Variants in GAPVD1 observed in about 807,000 individuals in gnomAD.
The protein encoded by GAPVD1 is GTPase-activating protein and VPS9 domain-containing protein 1.
GAPVD1 carries 35 observed loss-of-function variants against 155.5 expected under a neutral mutation model. That is an observed-to-expected ratio of 0.23 (90% CI 0.17 to 0.30). The LOEUF (loss-of-function observed/expected upper bound fraction) is 0.30. Among genes scored for constraint, GAPVD1 ranks in the 10% least tolerant of loss-of-function variants. The probability of loss-of-function intolerance (pLI) is 1.00; values close to 1 mark genes in which losing one functional copy is unlikely to be tolerated. For synonymous variants in GAPVD1, 636 were observed against 619.7 expected (o/e 1.03, Z -0.39); for missense variants, 1,429 against 1,775.7 (o/e 0.80, Z 3.51).
rs142687326 is a variant in GAPVD1 at position 125,286,900 on chromosome 9, G to A, written c.-149-8558G>A. Among the ~76,000 whole-genome samples, 810 of 151,716 alleles carry A rather than the reference G, an allele frequency of 5.3e-3. 10 individuals are homozygous for A. The highest frequency in any genetic ancestry group is 0.018 in the African/African-American group (756 of 41,376). On this transcript the variant is annotated intron_variant, in intron 2 of 27. Coordinates refer to ENST00000297933, the MANE Select transcript of GAPVD1 (RefSeq NM_001282680.3). ...TGAGTTTGAGACCAGCCTGGCCAAC[G>A]TGGCAAAACCCCGTCTCTACTAAAA...
chr9:125,336,245 G>A (rs187016902), intron 15 of GAPVD1, among the ~76,000 whole-genome samples: 1 of 145,584 alleles, frequency 6.9e-6, no homozygotes, highest in East Asian at 2.0e-4. Flanking sequence ...AAATCAAAAG[G>A]CATAATAGTA....
Position 125,349,804 on chromosome 9 carries a change from G to T in GAPVD1, c.3299+285G>T, listed in dbSNP as rs117781783. 6.9e-4 allele frequency among the ~76,000 whole-genome samples: 105 copies of T among 151,480 alleles called. No homozygotes were observed. In the East Asian group the frequency reaches 0.019, roughly 27 times the overall value. On this transcript the variant is annotated intron_variant, in intron 21 of 27. Transcript: ENST00000297933. ...GCTGGAGCCCAGGAGTTGGAGACCAGCTTGGGCAACATAGCAAAATCCCAT... is the reference window on the plus strand; with the variant it reads ...GCTGGAGCCCAGGAGTTGGAGACCATCTTGGGCAACATAGCAAAATCCCAT...
intron 2 of GAPVD1, among the ~76,000 whole-genome samples, chr9:125,289,778 A>G (rs1008267520): frequency 6.6e-6 from 1 of 152,202 alleles, no homozygotes; most frequent in African/African-American, 2.4e-5. Context: ...AACTGTTATC[A>G]CTTTGATGGT....
At position 125,295,504 on chromosome 9, in the gene GAPVD1, C is replaced by T. The variant is rs1250982544; in HGVS notation, c.-103C>T. The T allele has an allele frequency of 6.8e-6, 1 of 147,350 alleles. No homozygotes were observed. The highest frequency in any genetic ancestry group is 1.5e-5 in the Non-Finnish European group (1 of 67,598). 9.1% of individuals were successfully genotyped at this position (147,350 alleles called of 1,614,324 possible). On this transcript the variant is annotated 5_prime_UTR_variant, in exon 3 of 28. Transcript: ENST00000297933. The stretch of plus-strand genomic sequence containing the variant: ...CTGGAGTGCAGTGACACGATCTCAG[C>T]TCACTGTAACCTCCGCCTCCCGGGT...
rs1362363417 is a variant in GAPVD1 at position 125,298,872 on chromosome 9, T to C, written c.-32-18T>C. 1.8e-6 allele frequency: 2 copies of C among 1,107,986 alleles called. No homozygotes were observed. The highest frequency in any genetic ancestry group is 2.6e-6 in the Non-Finnish European group (2 of 768,700). 68.6% of individuals were successfully genotyped at this position (1,107,986 alleles called of 1,614,324 possible). On this transcript the variant is annotated intron_variant, in intron 3 of 27. Coordinates refer to ENST00000297933, the MANE Select transcript of GAPVD1 (RefSeq NM_001282680.3). ...AGTGACATACATAAACTTTAAATCT[T>C]TATCTTTTTACTCTTAGTGATCAGC...
At chr9:125,269,404 C>T (rs752075298) in intron 2 of GAPVD1, among the ~76,000 whole-genome samples, 170 of 152,054 alleles carry the variant, frequency 1.1e-3, no homozygotes, top group South Asian at 2.1e-3. Context: ...GTATTTTTTA[C>T]ACTTGAACTA....
At chr9:125,306,906 G>A (rs184524791) in intron 6 of GAPVD1, among the ~76,000 whole-genome samples, 16 of 152,296 alleles carry the variant, frequency 1.1e-4, no homozygotes, top group African/African-American at 3.8e-4. Flanking sequence ...GAGGTGGACG[G>A]ATCACTTGAA....
chr9:125,355,418 TATAACAA>T, intron 24 of GAPVD1, among the ~76,000 whole-genome samples: 1 of 152,328 alleles, frequency 6.6e-6, no homozygotes, highest in African/African-American at 2.4e-5. Flanking sequence ...AACATATTTT[TATAACAA>T]ATTCCTTGCA....
Position 125,270,360 on chromosome 9 carries a change from CAG to C in GAPVD1, c.-150+1379_-150+1380del, listed in dbSNP as rs1834695023. On this transcript the variant is annotated intron_variant, in intron 2 of 27. Transcript: ENST00000297933. ...AGGAGAATTGCTTGAACCTGGGAGG[CAG>C]AGTTTGCAGTGAGCTGAGATTGTGC... Among the ~76,000 whole-genome samples, 3 of 151,640 alleles carry C rather than the reference CAG, an allele frequency of 2.0e-5. No individual in the cohort carries two copies. The East Asian group carries it at 5.9e-4, about 30-fold the overall frequency.
chr9:125,288,483 C>T (rs1165571475), intron 2 of GAPVD1, among the ~76,000 whole-genome samples: 1 of 152,156 alleles, frequency 6.6e-6, no homozygotes, highest in Non-Finnish European at 1.5e-5. Context: ...CATCCTTGTT[C>T]TGTGTTATTT....
intron 15 of GAPVD1, 178 bp from the exon 16 acceptor site, chr9:125,336,840 A>G: frequency 1.7e-6 from 1 of 585,466 alleles, no homozygotes; most frequent in Non-Finnish European, 3.0e-6. Flanking sequence ...GAAGATACTC[A>G]TAAAAACAGA....
chr9:125,307,653 AAG>A, intron 7 of GAPVD1, 36 bp from the exon 8 acceptor site: 22 of 1,589,118 alleles, frequency 1.4e-5, no homozygotes, highest in Non-Finnish European at 1.9e-5. Context: ...GTATTTGAAA[AAG>A]TGATTTCATT....
chr9:125,322,630 C>G (rs947483304), intron 10 of GAPVD1, among the ~76,000 whole-genome samples: 1 of 152,120 alleles, frequency 6.6e-6, no homozygotes, highest in Non-Finnish European at 1.5e-5. Context: ...TAACATTTCC[C>G]TTTGTAATTT....
chr9:125,288,948 A>G lies in GAPVD1; in HGVS notation c.-149-6510A>G, dbSNP rs1838156655. Among the ~76,000 whole-genome samples, 8 of 152,328 alleles carry G rather than the reference A, an allele frequency of 5.3e-5. No individual in the cohort carries two copies. In the South Asian group the frequency reaches 1.7e-3, roughly 32 times the overall value. ...GTGGCCAAACTCACTGAAGAACATGATACTTTGGTAAAGACCTAAAGGAAG... is the reference window on the plus strand; with the variant it reads ...GTGGCCAAACTCACTGAAGAACATGGTACTTTGGTAAAGACCTAAAGGAAG... On this transcript the variant is annotated intron_variant, in intron 2 of 27. Coordinates refer to ENST00000297933, the MANE Select transcript of GAPVD1 (RefSeq NM_001282680.3).
intron 2 of GAPVD1, among the ~76,000 whole-genome samples, chr9:125,294,141 C>T (rs921852845): frequency 3.3e-5 from 5 of 151,192 alleles, no homozygotes; most frequent in African/African-American, 4.9e-5. Context: ...CTCTTGACCT[C>T]GTGATCCGCC....
At chr9:125,335,051 A>G in intron 15 of GAPVD1, 1 of 535,762 alleles carries the variant, frequency 1.9e-6, no homozygotes, top group Non-Finnish European at 3.4e-6. Context: ...CCTTGTAGCT[A>G]TCCTTTAAAA....
intron 2 of GAPVD1, among the ~76,000 whole-genome samples, chr9:125,291,306 A>G (rs1031191390): frequency 1.3e-5 from 2 of 152,076 alleles, no homozygotes; most frequent in Admixed American, 1.3e-4. Flanking sequence ...AAAAAAGGAT[A>G]CTAGCGTTGT....
intron 9 of GAPVD1, among the ~76,000 whole-genome samples, chr9:125,317,639 AAAAGAAAAG>A (rs1390550825): frequency 1.2e-3 from 186 of 151,282 alleles, no homozygotes; most frequent in Non-Finnish European, 2.2e-3. Flanking sequence ...AAAAAAAAAA[AAAAGAAAAG>A]AAAGAAAAGA....
In GAPVD1 at chr9:125,292,878, A is replaced by G. The variant is rs76825191; in HGVS notation, c.-149-2580A>G. Reference sequence around the variant, plus strand: ...CTCTCCTGACTTCTGCAGATGTTTTAATATATTCTGGCACTATTGGGAAAT... The same window carrying G: ...CTCTCCTGACTTCTGCAGATGTTTTGATATATTCTGGCACTATTGGGAAAT... On this transcript the variant is annotated intron_variant, in intron 2 of 27. Coordinates refer to ENST00000297933, the MANE Select transcript of GAPVD1 (RefSeq NM_001282680.3). Among the ~76,000 whole-genome samples the G allele has an allele frequency of 1.7e-3, 261 of 152,272 alleles. 1 individual carries two copies. The highest frequency in any genetic ancestry group is 5.9e-3 in the African/African-American group (244 of 41,574).
Sources: gnomAD v4.1 joint callset for allele counts (sites outside exome capture counted in the v4.1 genomes callset) on GRCh38, gnomAD v4.1.1 for gene constraint, MANE v1.5 for transcripts, NCBI Gene and HGNC (gene_info 2026-07-23, HGNC 2026-07-21) for gene names.